The following CATSPERE variants were observed in gnomAD, a reference collection of about 807,000 sequenced individuals.
CATSPERE encodes catsper channel auxiliary subunit epsilon.
A neutral mutation model predicts 114.1 loss-of-function variants in CATSPERE; 93 were observed. The observed-to-expected ratio is 0.81, with a 90% CI of 0.69 to 0.97. CATSPERE has a LOEUF of 0.97. CATSPERE is among the 50% of genes least tolerant of loss of function. CATSPERE has a pLI of 0.00. For missense variants in CATSPERE, 1,058 were observed against 1,131.6 expected (o/e 0.93, Z 0.93); for synonymous variants, 341 against 384.1 (o/e 0.89, Z 1.31).
intron 6 of CATSPERE, among the ~76,000 whole-genome samples, chr1:244,491,040 A>G (rs1272202269): frequency 1.3e-5 from 2 of 152,150 alleles, no homozygotes; most frequent in Non-Finnish European, 2.9e-5. Context: ...GATCAACGAG[A>G]CAGAAAGTTA....
In CATSPERE at chr1:244,560,872, G is replaced by A. The variant is rs752079100; in HGVS notation, c.1234G>A (p.Val412Ile). 1.8e-4 allele frequency: 287 copies of A among 1,613,958 alleles called. No individual in the cohort carries two copies. Among genetic ancestry groups the A allele is most frequent in the Non-Finnish European group, 2.2e-4 (257 of 1,179,988 alleles). ...TGCTGTGTTTTTAAATTATTGCACT[G>A]TATGTAACGTCACCAAAAAGATTTT... ...EIAVFLNYCT[V>I]CNVTKKIFLV... Residue 412 changes from valine to isoleucine, a missense_variant, in exon 10 of 22, where the codon GTA becomes ATA. By Grantham distance (29) the Val-to-Ile change is conservative. Around this residue, in one of 2 missense-constraint regions of CATSPERE, gnomAD observed 787 missense variants for 905.6 expected, o/e 0.87. Coordinates refer to ENST00000366534, the MANE Select transcript of CATSPERE (RefSeq NM_001130957.2).
intron 20 of CATSPERE, among the ~76,000 whole-genome samples, chr1:244,632,496 G>A (rs1282917696): frequency 6.6e-6 from 1 of 151,810 alleles, no homozygotes; most frequent in African/African-American, 2.4e-5. Context: ...TGGCACAAAG[G>A]ATGGGAGTAA....
At chr1:244,529,044 G>A (rs1189334111) in intron 8 of CATSPERE, among the ~76,000 whole-genome samples, 2 of 152,140 alleles carry the variant, frequency 1.3e-5, no homozygotes, top group Admixed American at 1.3e-4. Flanking sequence ...ACTCCATTGT[G>A]TATATGTGCC....
chr1:244,483,038 C>G (rs554188755), intron 5 of CATSPERE, among the ~76,000 whole-genome samples: 2 of 152,266 alleles, frequency 1.3e-5, no homozygotes, highest in South Asian at 4.1e-4. Context: ...TGTGACTGCT[C>G]TATGGTATTT....
chr1:244,555,785 A>C (rs1364125741), intron 9 of CATSPERE, among the ~76,000 whole-genome samples: 3 of 152,220 alleles, frequency 2.0e-5, no homozygotes, highest in Non-Finnish European at 4.4e-5. Context: ...ATACACTAAT[A>C]ATGAAATAGC....
In CATSPERE at chr1:244,552,531, C is replaced by T. The variant is rs1660822191; in HGVS notation, c.746C>T (p.Ala249Val). 6.2e-7 allele frequency: 1 copy of T among 1,614,048 alleles called. No individual in the cohort carries two copies. Among genetic ancestry groups the T allele is most frequent in the South Asian group, 1.1e-5 (1 of 91,080 alleles). ...LMASWDACVV[A>V]SAVLVTDMET... ...GCTTCCTGGGATGCTTGTGTAGTTG[C>T]ATCTGCTGTTTTGGTGACAGATATG... The change falls in exon 9 of 22, where the codon GCA becomes GTA. Residue 249 changes from alanine to valine, a missense_variant. Ala to Val is a moderately conservative substitution (Grantham distance 64). Coordinates refer to ENST00000366534, the MANE Select transcript of CATSPERE (RefSeq NM_001130957.2).
intron 20 of CATSPERE, among the ~76,000 whole-genome samples, chr1:244,624,345 G>C (rs967207015): frequency 6.6e-6 from 1 of 152,112 alleles, no homozygotes; most frequent in Non-Finnish European, 1.5e-5. Flanking sequence ...AATGTAGCAT[G>C]CGATGCTGTT....
At chr1:244,475,598 G>A (rs1001206357) in intron 2 of CATSPERE, among the ~76,000 whole-genome samples, 5 of 143,344 alleles carry the variant, frequency 3.5e-5, no homozygotes, top group Non-Finnish European at 3.0e-5. Flanking sequence ...GTGCAGTGGC[G>A]CGATCTCAGC....
At chr1:244,606,822 G>A (rs545945286) in intron 18 of CATSPERE, among the ~76,000 whole-genome samples, 17 of 151,956 alleles carry the variant, frequency 1.1e-4, no homozygotes, top group South Asian at 8.3e-4. Context: ...GGCTGGTTTC[G>A]AACTCTTGAC....
intron 10 of CATSPERE, among the ~76,000 whole-genome samples, chr1:244,566,704 G>C (rs1329636263): frequency 2.3e-5 from 2 of 86,762 alleles, no homozygotes; most frequent in African/African-American, 3.7e-5. Context: ...CATTTGCTTG[G>C]TAAATATTCC....
chr1:244,562,332 G>A (rs1023568339), intron 10 of CATSPERE, among the ~76,000 whole-genome samples: 1 of 152,114 alleles, frequency 6.6e-6, no homozygotes, highest in Non-Finnish European at 1.5e-5. Context: ...TAATAGGGGT[G>A]TAGATAGATA....
chr1:244,451,497 G>A, upstream of CATSPERE: 1 of 967,746 alleles, frequency 1.0e-6, no homozygotes, highest in Non-Finnish European at 1.5e-6. The surrounding 1 kb of genome is among the most constrained non-coding windows in gnomAD (Gnocchi z 6.6). Context: ...CGCAGCTCAG[G>A]ACAGGAGGAG....
rs902706813 is a variant in CATSPERE, at chr1:244,573,029, C to CTTT, written c.1950+266_1950+268dup. Among the ~76,000 whole-genome samples the CTTT allele has an allele frequency of 6.9e-6, 1 of 145,648 alleles. No homozygotes were observed. Among genetic ancestry groups the CTTT allele is most frequent in the African/African-American group, 2.5e-5 (1 of 39,912 alleles). On this transcript the variant is annotated intron_variant, in intron 11 of 21. Transcript: ENST00000366534. The surrounding 1 kb of genome is among the most constrained non-coding windows in gnomAD (Gnocchi z 4.0). ...TCAATTGTATTGTTCACTTCTTCTT[C>CTTT]TTTTTTTTTTTAATGCATGGCTTTC...
chr1:244,587,179 C>T (rs1035825109), intron 13 of CATSPERE, among the ~76,000 whole-genome samples: 36 of 152,176 alleles, frequency 2.4e-4, no homozygotes, highest in Admixed American at 2.4e-3. Flanking sequence ...CAGATATAAC[C>T]TATCTTCTTA....
intron 10 of CATSPERE, among the ~76,000 whole-genome samples, chr1:244,570,884 G>A (rs1038814927): frequency 6.6e-6 from 1 of 152,168 alleles, no homozygotes; most frequent in Non-Finnish European, 1.5e-5. Flanking sequence ...AAGATGTGGA[G>A]GTAGGAAAGA....
At chr1:244,498,902 A>T in intron 6 of CATSPERE, 100 bp from the exon 7 acceptor site, 3 of 879,222 alleles carry the variant, frequency 3.4e-6, no homozygotes, top group Non-Finnish European at 5.3e-6. Context: ...CATCTCAAAA[A>T]AATAAAAAAA....
chr1:244,469,962 A>G (rs1668209845), intron 2 of CATSPERE, among the ~76,000 whole-genome samples: 1 of 152,172 alleles, frequency 6.6e-6, no homozygotes, highest in Admixed American at 6.5e-5. Flanking sequence ...ATTGAATGGA[A>G]AAAGAACGGT....
Position 244,540,036 on chromosome 1 carries a change from C to G in CATSPERE, c.537-12286C>G, listed in dbSNP as rs1431334609. 1.3e-4 allele frequency among the ~76,000 whole-genome samples: 20 copies of G among 151,434 alleles called. 2 individuals are homozygous for G. Among genetic ancestry groups the G allele is most frequent in the Admixed American group, 1.2e-3 (18 of 15,218 alleles). ...AATAATAAGAGCTATCTATGACAAA[C>G]TCACAGCCAATATCATACTGAATGG... On this transcript the variant is annotated intron_variant, in intron 8 of 21. Coordinates refer to ENST00000366534, the MANE Select transcript of CATSPERE (RefSeq NM_001130957.2).
At chr1:244,510,402 T>C (rs1675508287) in intron 7 of CATSPERE, among the ~76,000 whole-genome samples, 1 of 152,234 alleles carries the variant, frequency 6.6e-6, no homozygotes, top group African/African-American at 2.4e-5. Flanking sequence ...TTCGTCCATG[T>C]ATTTTTATAG....
Sources: gnomAD v4.1 joint callset for allele counts (sites outside exome capture counted in the v4.1 genomes callset) on GRCh38, gnomAD v4.1.1 for gene constraint, gnomAD v4.1.1 regional missense constraint, Gnocchi (gnomAD v3.1) non-coding constraint, MANE v1.5 for transcripts, NCBI Gene and HGNC (gene_info 2026-07-23, HGNC 2026-07-21) for gene names.